Variants in TCF3 observed in about 807,000 individuals in gnomAD.
TCF3 encodes the protein transcription factor 3, also known as transcription factor E2-alpha.
In TCF3, 54 loss-of-function variants were observed where a neutral mutation model predicts 72.3. The ratio of observed to expected loss-of-function variants is 0.75; its 90% CI spans 0.60 to 0.94. TCF3 has a LOEUF of 0.94. Ranked by LOEUF, TCF3 falls within the 40% of genes least tolerant of loss-of-function variation. The probability of loss-of-function intolerance (pLI) is 0.00; values close to 1 mark genes in which losing one functional copy is unlikely to be tolerated. For missense variants in TCF3, 1,078 were observed against 934.4 expected, an observed-to-expected ratio of 1.15 and a Z score of -2.00; for synonymous variants, 525 against 412.6, an observed-to-expected ratio of 1.27 and a Z score of -3.30.
At position 1,622,420 on chromosome 19, in the gene TCF3, G is replaced by T; in HGVS notation, c.550-5C>A. The T allele has an allele frequency of 7.1e-7, 1 of 1,404,514 alleles. No individual in the cohort carries two copies. Among genetic ancestry groups the T allele is most frequent in the Non-Finnish European group, 9.5e-7 (1 of 1,057,910 alleles). The allele number at this position is 1,404,514 out of a possible 1,614,324, so 87.0% of individuals were successfully genotyped here. On this transcript the variant is annotated splice_region_variant and splice_polypyrimidine_tract_variant and intron_variant, in intron 8 of 18. Coordinates refer to ENST00000262965, the MANE Select transcript of TCF3 (RefSeq NM_003200.5). ...ACCTGAGCTGGGTGGGTACACCTGC[G>T]GGCGGGTGGGCGGTGGGGGGTGCAG...
At chr19:1,649,079 G>A (rs1176849677) in intron 2 of TCF3, among the ~76,000 whole-genome samples, 1 of 152,224 alleles carries the variant, frequency 6.6e-6, no homozygotes, top group African/African-American at 2.4e-5. Context: ...GGTGGAGAAT[G>A]GGCCGTACAG....
At position 1,615,704 on chromosome 19, in the gene TCF3, G is replaced by GCCTTCAGCT. The variant is rs781376654; in HGVS notation, c.1559_1567dup (p.Glu520_Lys522dup). 2 of 1,613,374 alleles carry GCCTTCAGCT rather than the reference G, an allele frequency of 1.2e-6. No individual in the cohort carries two copies. Among genetic ancestry groups the GCCTTCAGCT allele is most frequent in the Non-Finnish European group, 1.7e-6 (2 of 1,179,616 alleles). On this transcript the variant is annotated inframe_insertion, in exon 17 of 19. Coordinates refer to ENST00000262965, the MANE Select transcript of TCF3 (RefSeq NM_003200.5). The surrounding 1 kb of genome is among the most constrained non-coding windows in gnomAD (Gnocchi z 7.3). ...TTGGCACCTGGTCCGGGCCCGGGGG[G>GCCTTCAGCT]CCTTCAGCTCCTTCTTCTCCTCCTC...
chr19:1,612,485 A>G, intron 18 of TCF3: 3 of 584,368 alleles, frequency 5.1e-6, no homozygotes, highest in Non-Finnish European at 9.6e-6. Context: ...GCTGGGTGGG[A>G]GGGCAGGGCT....
At chr19:1,651,415 G>T in intron 1 of TCF3, 1 of 226,836 alleles carries the variant, frequency 4.4e-6, no homozygotes, top group Non-Finnish European at 8.8e-6. Context: ...CCCCCGCTCA[G>T]TTTTTTTCTT....
At chr19:1,642,278 A>ACGCACACG (rs2065433223) in intron 3 of TCF3, among the ~76,000 whole-genome samples, 2 of 134,712 alleles carry the variant, frequency 1.5e-5, no homozygotes, top group Non-Finnish European at 3.4e-5. Context: ...ACGCACACGC[A>ACGCACACG]CAGACGCGCA....
At chr19:1,637,204 G>C (rs1442102809) in intron 3 of TCF3, among the ~76,000 whole-genome samples, 1 of 138,900 alleles carries the variant, frequency 7.2e-6, no homozygotes, top group Non-Finnish European at 1.5e-5. Flanking sequence ...GGGGCGCCTC[G>C]CAACCTCCTC....
rs2146125470 is a variant in TCF3, at chr19:1,621,973, G to A, written c.823-3C>T. The A allele has an allele frequency of 1.2e-6, 2 of 1,603,826 alleles. No homozygotes were observed. The highest frequency in any genetic ancestry group is 1.7e-4 in the Middle Eastern group (1 of 5,984). ...TCTGCTCCATGCAGCTGGTAGCCCT[G>A]GGGGGTCAGGCAGGAGGAGGGTGGG... is the stretch of plus-strand genomic sequence containing the variant. On this transcript the variant is annotated splice_region_variant and splice_polypyrimidine_tract_variant and intron_variant, in intron 10 of 18. Transcript: ENST00000262965.
Position 1,611,015 on chromosome 19 carries a change from C to T in TCF3, c.*692G>A, listed in dbSNP as rs1279800757. ...CTGGTTGATCAAGAAATGCAATGCT[C>T]AGTCTAGGAACAGCAGCAGAAATAG... On this transcript the variant is annotated 3_prime_UTR_variant, in exon 19 of 19. Transcript: ENST00000262965. The T allele has an allele frequency of 4.5e-6, 1 of 222,984 alleles. No individual in the cohort carries two copies. The allele number at this position is 222,984 out of a possible 1,614,324, so 13.8% of individuals were successfully genotyped here.
chr19:1,638,592 A>T (rs1448146577), intron 3 of TCF3, among the ~76,000 whole-genome samples: 3 of 152,220 alleles, frequency 2.0e-5, no homozygotes, highest in African/African-American at 7.2e-5. Context: ...AGGGAAGAGA[A>T]ATATACAGGC....
In TCF3 at chr19:1,622,376, C is replaced by A; in HGVS notation, c.589G>T (p.Ala197Ser). ...PSSGEDYGRD[A>S]TAYPSAKTPS... ...GTCTTGGCGGACGGGTAGGCGGTGG[C>A]ATCCCTGCCGTAGTCCTCACCTGAG... Residue 197 changes from alanine to serine, a missense_variant, in exon 9 of 19, where the codon GCC becomes TCC. Physicochemically the swap from Ala to Ser is moderately conservative, Grantham distance 99. Transcript: ENST00000262965. 1 of 1,357,642 alleles carries A rather than the reference C, an allele frequency of 7.4e-7. No homozygotes were observed. Among genetic ancestry groups the A allele is most frequent in the Non-Finnish European group, 9.7e-7 (1 of 1,030,992 alleles). 84.1% of individuals were successfully genotyped at this position (1,357,642 alleles called of 1,614,324 possible). A position where few individuals can be genotyped will look rare whatever the true frequency, so the allele number is the denominator to read the frequency against.
rs117433304 is a variant in TCF3, at chr19:1,616,123, T to C, written c.1451-302A>G. Among the ~76,000 whole-genome samples, 721 of 152,332 alleles carry C rather than the reference T, an allele frequency of 4.7e-3. 2 individuals are homozygous for C. The highest frequency in any genetic ancestry group is 7.5e-3 in the Non-Finnish European group (512 of 68,022). On this transcript the variant is annotated intron_variant, in intron 16 of 18. Coordinates refer to ENST00000262965, the MANE Select transcript of TCF3 (RefSeq NM_003200.5). The stretch of plus-strand genomic sequence containing the variant: ...ATCTACTAAGATGCTAAAAGAACAC[T>C]CTTCTTTTTTGGTGAAAGTAAACTG...
chr19:1,635,868 G>C (rs983705771), intron 3 of TCF3, among the ~76,000 whole-genome samples: 1 of 152,132 alleles, frequency 6.6e-6, no homozygotes, highest in Non-Finnish European at 1.5e-5. Flanking sequence ...TTAACACCTC[G>C]ACAGCTCCTC....
chr19:1,620,471 T>C (rs988902342), intron 13 of TCF3, among the ~76,000 whole-genome samples: 4 of 152,096 alleles, frequency 2.6e-5, no homozygotes, highest in Non-Finnish European at 4.4e-5. Flanking sequence ...ACCCAGTGGG[T>C]GAGCAAATGG....
chr19:1,609,834 C>T lies in TCF3; in HGVS notation c.*1873G>A, dbSNP rs1469582572. 1 of 232,004 alleles carries T rather than the reference C, an allele frequency of 4.3e-6. No individual in the cohort carries two copies. Among genetic ancestry groups the T allele is most frequent in the East Asian group, 6.1e-5 (1 of 16,428 alleles). 14.4% of individuals were successfully genotyped at this position (232,004 alleles called of 1,614,324 possible). Reference sequence around the variant, plus strand: ...GTCTGGGGAGGGGAGTCAGGCAGTCCAGGATCTCCTGGGGGTAACGGTGGG... The same window carrying T: ...GTCTGGGGAGGGGAGTCAGGCAGTCTAGGATCTCCTGGGGGTAACGGTGGG... On this transcript the variant is annotated 3_prime_UTR_variant, in exon 19 of 19. Coordinates refer to ENST00000262965, the MANE Select transcript of TCF3 (RefSeq NM_003200.5).
rs1189120838 is a variant in TCF3 at position 1,624,920 on chromosome 19, A to G, written c.499+656T>C. On this transcript the variant is annotated intron_variant, in intron 7 of 18. Transcript: ENST00000262965. The stretch of plus-strand genomic sequence containing the variant: ...GAGTACAATGGTGCGATCGCAGCTC[A>G]TTGCAGCCTCGAACTCCCAGGGTCA... Among the ~76,000 whole-genome samples, 8 of 152,220 alleles carry G rather than the reference A, an allele frequency of 5.3e-5. No individual in the cohort carries two copies. In the East Asian group the frequency reaches 1.4e-3, roughly 26 times the overall value.
At chr19:1,631,855 G>A in intron 5 of TCF3, 183 bp downstream of exon 5, 2 of 1,474,816 alleles carry the variant, frequency 1.4e-6, no homozygotes, top group Non-Finnish European at 1.8e-6. Context: ...GTGCCAGGGA[G>A]TCCGGGCCAC....
At chr19:1,626,010 C>T (rs1200196170) in intron 6 of TCF3, among the ~76,000 whole-genome samples, 12 of 152,238 alleles carry the variant, frequency 7.9e-5, no homozygotes, top group Non-Finnish European at 1.5e-5. Flanking sequence ...CGTGGCTAAG[C>T]GTCTGTGCAC....
chr19:1,646,200 G>A (rs1290293489), intron 3 of TCF3, among the ~76,000 whole-genome samples, 155 bp downstream of exon 3: 4 of 152,152 alleles, frequency 2.6e-5, no homozygotes, highest in Non-Finnish European at 5.9e-5. Context: ...CTGATTTCAG[G>A]GGTCTTCAGG....
At chr19:1,621,492 T>C (rs958351622) in intron 11 of TCF3, among the ~76,000 whole-genome samples, 2 of 150,884 alleles carry the variant, frequency 1.3e-5, no homozygotes, top group African/African-American at 4.9e-5. Flanking sequence ...AGTCCCTCTC[T>C]GGGCCTGGGT....
Sources: allele counts gnomAD v4.1 joint callset (sites outside exome capture counted in the v4.1 genomes callset), GRCh38; gene constraint gnomAD v4.1.1; non-coding constraint Gnocchi (gnomAD v3.1); transcripts MANE v1.5; gene names NCBI Gene and HGNC (gene_info 2026-07-23, HGNC 2026-07-21).